TNNI3K: variants seen among roughly 807,000 people sequenced by gnomAD.
TNNI3K encodes the protein TNNI3 interacting kinase.
A neutral mutation model predicts 114.5 loss-of-function variants in TNNI3K; 140 were observed. The observed-to-expected ratio is 1.22, with a 90% CI of 1.07 to 1.41. TNNI3K has a LOEUF of 1.41. Ranked by LOEUF, TNNI3K falls within the 40% of genes most tolerant of loss-of-function variation. The pLI, the probability that TNNI3K is intolerant of heterozygous loss-of-function variation, is 0.00. For missense variants in TNNI3K, 1,125 were observed against 1,007.6 expected, an observed-to-expected ratio of 1.12 and a Z score of -1.58; for synonymous variants, 347 against 347.5, an observed-to-expected ratio of 1.00 and a Z score of 0.02.
At chr1:74,509,968 G>C (rs1342717558) in intron 23 of TNNI3K, among the ~76,000 whole-genome samples, 1 of 151,772 alleles carries the variant, frequency 6.6e-6, no homozygotes, top group East Asian at 1.9e-4. Flanking sequence ...CACCCAGGCT[G>C]GTCTTGAATT....
chr1:74,486,387 G>A (rs954501663), intron 21 of TNNI3K, among the ~76,000 whole-genome samples: 1 of 151,934 alleles, frequency 6.6e-6, no homozygotes, highest in Non-Finnish European at 1.5e-5. Flanking sequence ...TCTAATATAA[G>A]CTACTTGATC....
intron 17 of TNNI3K, among the ~76,000 whole-genome samples, chr1:74,381,938 TA>T (rs1163918646): frequency 2.6e-5 from 4 of 152,194 alleles, no homozygotes; most frequent in Non-Finnish European, 4.4e-5. Flanking sequence ...TTCCAGAGAC[TA>T]AAAAATCCAA....
chr1:74,480,558 T>C (rs1351710598), intron 21 of TNNI3K: 1 of 717,366 alleles, frequency 1.4e-6, no homozygotes, highest in African/African-American at 1.7e-5. Context: ...GAAATAAAAT[T>C]GTTGGATAAA....
intron 21 of TNNI3K, among the ~76,000 whole-genome samples, chr1:74,465,532 G>A (rs921228196): frequency 3.9e-5 from 6 of 151,996 alleles, no homozygotes; most frequent in African/African-American, 7.3e-5. Flanking sequence ...CTCCATGCCC[G>A]AGTCCCCCCC....
intron 5 of TNNI3K, among the ~76,000 whole-genome samples, chr1:74,323,344 T>C (rs1011238913): frequency 6.6e-6 from 1 of 152,236 alleles, no homozygotes; most frequent in African/African-American, 2.4e-5. Context: ...TGTAAACCTC[T>C]GAGCTTCACT....
At chr1:74,243,668 T>C (rs1654382134) in intron 2 of TNNI3K, among the ~76,000 whole-genome samples, 1 of 152,162 alleles carries the variant, frequency 6.6e-6, no homozygotes, top group Admixed American at 6.5e-5. Flanking sequence ...AACTGCACAC[T>C]TTTCTAGGTC....
intron 24 of TNNI3K, among the ~76,000 whole-genome samples, chr1:74,543,063 CCTT>C (rs1646745609): frequency 8.1e-5 from 1 of 12,348 alleles, no homozygotes; most frequent in Non-Finnish European, 1.8e-4. Context: ...TTTCTTTTTC[CCTT>C]TTTTTTTTTT....
At chr1:74,436,896 A>G (rs1666157787) in intron 19 of TNNI3K, among the ~76,000 whole-genome samples, 2 of 152,074 alleles carry the variant, frequency 1.3e-5, no homozygotes, top group Admixed American at 1.3e-4. Context: ...GCATCTATTA[A>G]CTATTCATCG....
In TNNI3K at chr1:74,353,415, T is replaced by C. The variant is rs936698394; in HGVS notation, c.1027+55T>C. 3.8e-6 allele frequency: 6 copies of C among 1,594,986 alleles called. No homozygotes were observed. In the African/African-American group the frequency reaches 5.4e-5, roughly 14 times the overall value. The stretch of plus-strand genomic sequence containing the variant: ...CTATATGCTTATCAATGATTAAGAA[T>C]AATGGTATGCAAAGGGATGTGGGGG... On this transcript the variant is annotated intron_variant, in intron 10 of 24. Transcript: ENST00000326637.
intron 17 of TNNI3K, chr1:74,376,838 A>T (rs1418997556): frequency 6.6e-6 from 1 of 151,750 alleles, no homozygotes; most frequent in African/African-American, 2.4e-5. Context: ...AAAATAAAAG[A>T]TTCAAAGACA....
intron 5 of TNNI3K, among the ~76,000 whole-genome samples, chr1:74,287,380 A>G (rs984874113): frequency 1.3e-5 from 2 of 152,184 alleles, no homozygotes; most frequent in Non-Finnish European, 2.9e-5. Flanking sequence ...AAGAACCCCA[A>G]AGATACAGAG....
At chr1:74,522,106 G>A (rs555078730) in intron 23 of TNNI3K, among the ~76,000 whole-genome samples, 1 of 152,234 alleles carries the variant, frequency 6.6e-6, no homozygotes, top group South Asian at 2.1e-4. Flanking sequence ...TCGCTGGCCA[G>A]GGATTGTTCT....
chr1:74,334,489 A>T (rs915288054), intron 6 of TNNI3K, among the ~76,000 whole-genome samples: 1 of 152,204 alleles, frequency 6.6e-6, no homozygotes, highest in Non-Finnish European at 1.5e-5. Flanking sequence ...GAGGCATCCT[A>T]ACTTAACCTT....
In TNNI3K at chr1:74,271,648, G is replaced by A; in HGVS notation, c.384G>A (p.Gln128=). The A allele has an allele frequency of 1.2e-6, 2 of 1,609,758 alleles. No individual in the cohort carries two copies. The highest frequency in any genetic ancestry group is 1.7e-6 in the Non-Finnish European group (2 of 1,177,488). The change falls in exon 5 of 25, where the codon CAG becomes CAA. Residue 128 remains glutamine, a synonymous_variant. Transcript: ENST00000326637. ...TGCTTCACAGTGGAGCTGATATACA[G>A]CAGGTTGGATACGGTGGCCTCACTG... ...TSLLHSGADI[Q]QVGYGGLTAL...
Position 74,353,359 on chromosome 1 carries a change from T to G in TNNI3K, c.1026T>G (p.Thr342=). ...ACCACCAAGGAAGGGATGGGCACAC[T>G]GGTAAGACTGTGGTGAAAACACCAC... The part of the protein sequence containing the change: ...NINHQGRDGH[T]GLHSACYHGH... The change falls in exon 10 of 25, where the codon ACT becomes ACG. Residue 342 remains threonine (T), a splice_region_variant and synonymous_variant. Coordinates refer to ENST00000326637, the MANE Select transcript of TNNI3K (RefSeq NM_015978.3). 10 of 1,613,386 alleles carry G rather than the reference T, an allele frequency of 6.2e-6. No individual in the cohort carries two copies. Among genetic ancestry groups the G allele is most frequent in the Non-Finnish European group, 7.6e-6 (9 of 1,179,732 alleles).
intron 20 of TNNI3K, among the ~76,000 whole-genome samples, chr1:74,452,062 C>G (rs1001912481): frequency 2.6e-5 from 4 of 152,018 alleles, no homozygotes; most frequent in Non-Finnish European, 5.9e-5. Flanking sequence ...TTCCCATATT[C>G]TTAGCATTAA....
intron 23 of TNNI3K, among the ~76,000 whole-genome samples, chr1:74,521,990 TA>T (rs906678754): frequency 2.6e-5 from 4 of 151,836 alleles, no homozygotes; most frequent in African/African-American, 4.8e-5. Flanking sequence ...CCAGGTAGAG[TA>T]AAAAAAATTC....
rs34521608 is a variant in TNNI3K at position 74,342,947 on chromosome 1, C to T, written c.788C>T (p.Pro263Leu). 2.5e-3 allele frequency: 4,040 copies of T among 1,613,890 alleles called. 26 individuals carry two copies. Among genetic ancestry groups the T allele is most frequent in the Middle Eastern group, 0.016 (98 of 6,062 alleles). The change falls in exon 8 of 25, where the codon CCT becomes CTT. Residue 263 changes from proline to leucine, a missense_variant. Coordinates refer to ENST00000326637, the MANE Select transcript of TNNI3K (RefSeq NM_015978.3). ...YLLQSDLEVQ[P>L]HVVNIYGDTP... ...CTGCAAAGTGATTTGGAAGTTCAAC[C>T]TCATGTTGTTAATATCTATGGAGAT...
chr1:74,522,315 C>T (rs893737913), intron 23 of TNNI3K, among the ~76,000 whole-genome samples: 2 of 152,062 alleles, frequency 1.3e-5, no homozygotes, highest in Admixed American at 6.6e-5. Context: ...ATGCAGCTGC[C>T]GCAAATGTGC....
Sources: gnomAD v4.1 joint callset for allele counts (sites outside exome capture counted in the v4.1 genomes callset) on GRCh38, gnomAD v4.1.1 for gene constraint, MANE v1.5 for transcripts, NCBI Gene and HGNC (gene_info 2026-07-23, HGNC 2026-07-21) for gene names.